Variants in TNFSF4 observed in about 807,000 individuals in gnomAD.
TNFSF4 encodes the protein TNF superfamily member 4, also known as tumor necrosis factor ligand superfamily member 4.
A neutral mutation model predicts 7.3 loss-of-function variants in TNFSF4; 4 were observed. That is an observed-to-expected ratio of 0.55 (90% CI 0.27 to 1.25). The LOEUF is 1.25. Among genes scored for constraint, TNFSF4 ranks in the 50% most tolerant of loss-of-function variants. TNFSF4 has a pLI of 0.12. For missense variants in TNFSF4, 181 were observed against 208.8 expected (o/e 0.87, Z 0.82); for synonymous variants, 76 against 83.7 (o/e 0.91, Z 0.50).
the TNFSF4 span, among the ~76,000 whole-genome samples, chr1:173,331,950 G>A: frequency 6.6e-6 from 1 of 152,252 alleles, no homozygotes; most frequent in Non-Finnish European, 1.5e-5. Context: ...ATATCTCAGA[G>A]TGCAGGTGCT....
the TNFSF4 span, among the ~76,000 whole-genome samples, chr1:173,287,713 G>A: frequency 6.6e-6 from 1 of 151,956 alleles, no homozygotes; most frequent in Admixed American, 6.6e-5. Context: ...TTCACACAAT[G>A]GAATTCTTCA....
the TNFSF4 span, among the ~76,000 whole-genome samples, chr1:173,449,095 C>G: frequency 6.6e-6 from 1 of 152,072 alleles, no homozygotes; most frequent in East Asian, 1.9e-4. Flanking sequence ...GTACTGTCCT[C>G]ACAATAGTGA....
chr1:173,437,327 C>T, the TNFSF4 span, among the ~76,000 whole-genome samples: 5 of 152,210 alleles, frequency 3.3e-5, no homozygotes, highest in South Asian at 4.2e-4. Context: ...CAAGGTCTCT[C>T]GGCTTTTTCT....
At chr1:173,197,366 T>C (rs1371971532) in intron 1 of TNFSF4, among the ~76,000 whole-genome samples, 1 of 152,180 alleles carries the variant, frequency 6.6e-6, no homozygotes, top group Non-Finnish European at 1.5e-5. Context: ...AATCATTCTA[T>C]TACAAAGGTA....
chr1:173,211,437 T>C (rs1571209466), upstream of TNFSF4, among the ~76,000 whole-genome samples: 1 of 152,210 alleles, frequency 6.6e-6, no homozygotes, highest in African/African-American at 2.4e-5. Flanking sequence ...AATGCAGTTT[T>C]TTCTTTCCTC....
the TNFSF4 span, among the ~76,000 whole-genome samples, chr1:173,267,043 C>G: frequency 6.6e-6 from 1 of 152,178 alleles, no homozygotes; most frequent in Non-Finnish European, 1.5e-5. Context: ...TTAACTTACA[C>G]AGCACTGAAA....
At chr1:173,310,001 ACTGTC>A in the TNFSF4 span, among the ~76,000 whole-genome samples, 1 of 151,874 alleles carries the variant, frequency 6.6e-6, no homozygotes, top group Non-Finnish European at 1.5e-5. Context: ...GATTTTAATG[ACTGTC>A]AGTTCTGTAC....
At chr1:173,188,791 C>T (rs1053555983) in intron 1 of TNFSF4, among the ~76,000 whole-genome samples, 4 of 152,294 alleles carry the variant, frequency 2.6e-5, no homozygotes, top group African/African-American at 9.6e-5. Flanking sequence ...CGGCTCCCTG[C>T]AGCCTCCGCC....
the TNFSF4 span, among the ~76,000 whole-genome samples, chr1:173,378,524 G>C: frequency 1.8e-4 from 27 of 152,248 alleles, no homozygotes; most frequent in South Asian, 3.5e-3. Context: ...CTGAAAAAGA[G>C]GTGGCTCATT....
chr1:173,339,785 A>C, the TNFSF4 span, among the ~76,000 whole-genome samples: 1 of 152,200 alleles, frequency 6.6e-6, no homozygotes, highest in South Asian at 2.1e-4. Context: ...GTATCATGTT[A>C]GGGCAAAATA....
chr1:173,405,713 A>G, the TNFSF4 span, among the ~76,000 whole-genome samples: 1 of 152,234 alleles, frequency 6.6e-6, no homozygotes, highest in Non-Finnish European at 1.5e-5. Context: ...GAAGTTGTCA[A>G]GTTTTCAAAG....
At chr1:173,414,260 G>C in the TNFSF4 span, among the ~76,000 whole-genome samples, 2 of 152,010 alleles carry the variant, frequency 1.3e-5, no homozygotes, top group South Asian at 4.2e-4. Context: ...GCTTGCAGAC[G>C]GCCACCTTCT....
At chr1:173,236,411 T>C in the TNFSF4 span, among the ~76,000 whole-genome samples, 1 of 136,832 alleles carries the variant, frequency 7.3e-6, no homozygotes, top group African/African-American at 2.8e-5. Context: ...AAGCACCAGT[T>C]ATTTCAAAAA....
At chr1:173,355,365 CG>C in the TNFSF4 span, among the ~76,000 whole-genome samples, 120 of 152,266 alleles carry the variant, frequency 7.9e-4, 1 homozygote, top group East Asian at 0.019. Flanking sequence ...TTTGCGGGGT[CG>C]GGGAGCATTA....
chr1:173,364,092 C>A, the TNFSF4 span, among the ~76,000 whole-genome samples: 8 of 151,782 alleles, frequency 5.3e-5, no homozygotes, highest in Non-Finnish European at 1.0e-4. Context: ...TAAATGTGTA[C>A]AAAGATATTT....
the TNFSF4 span, among the ~76,000 whole-genome samples, chr1:173,415,929 T>C: frequency 6.6e-6 from 1 of 152,100 alleles, no homozygotes; most frequent in East Asian, 1.9e-4. Flanking sequence ...ATGACAGCTG[T>C]GCAAAACTGG....
the TNFSF4 span, among the ~76,000 whole-genome samples, chr1:173,246,099 A>C: frequency 3.9e-5 from 6 of 152,258 alleles, no homozygotes; most frequent in South Asian, 1.2e-3. Flanking sequence ...TGAGTAGGGG[A>C]ATTGCTGGAT....
chr1:173,412,767 G>A, the TNFSF4 span, among the ~76,000 whole-genome samples: 29 of 152,198 alleles, frequency 1.9e-4, no homozygotes, highest in Non-Finnish European at 3.7e-4. Flanking sequence ...GAGTATTACA[G>A]AGAAGGACTA....
the TNFSF4 span, among the ~76,000 whole-genome samples, chr1:173,445,950 C>T: frequency 6.6e-6 from 1 of 152,064 alleles, no homozygotes; most frequent in Non-Finnish European, 1.5e-5. Context: ...TGAACAAAAC[C>T]AGTGTGATTA....
Sources: allele counts gnomAD v4.1 joint callset (sites outside exome capture counted in the v4.1 genomes callset), GRCh38; gene constraint gnomAD v4.1.1; transcripts MANE v1.5; gene names NCBI Gene and HGNC (gene_info 2026-07-23, HGNC 2026-07-21).